PLAC1: variants seen among roughly 807,000 people sequenced by gnomAD.
PLAC1 encodes the protein placenta-specific protein 1.
For missense variants in PLAC1, 136 were observed against 163.2 expected (o/e 0.83, Z 0.91); for synonymous variants, 68 against 62.1 (o/e 1.09, Z -0.44).
chrX:134,589,781 T>C (rs2078026195), intron 2 of PLAC1, among the ~76,000 whole-genome samples: 1 of 110,188 alleles, frequency 9.1e-6, no homozygotes, highest in African/African-American at 3.3e-5. Context: ...AGGAAACCAT[T>C]GCTTTCCTAT....
chrX:134,714,911 G>C, intron 2 of PLAC1, among the ~76,000 whole-genome samples: 1 of 111,901 alleles, frequency 8.9e-6, no homozygotes, highest in Non-Finnish European at 1.9e-5. Flanking sequence ...CATTTGGGTT[G>C]TTTCCACATT....
chrX:134,589,807 T>C (rs2078026355), intron 2 of PLAC1, among the ~76,000 whole-genome samples: 2 of 110,360 alleles, frequency 1.8e-5, no homozygotes, highest in South Asian at 7.7e-4. Context: ...GTCCATGTAG[T>C]CAAACAGTAC....
At chrX:134,695,304 G>A (rs1242535272) in intron 2 of PLAC1, among the ~76,000 whole-genome samples, 1 of 111,582 alleles carries the variant, frequency 9.0e-6, no homozygotes, top group Non-Finnish European at 1.9e-5. Context: ...GTGCTGGGGG[G>A]GATATCAAAT....
At chrX:134,621,694 C>CA (rs2078211986) in intron 1 of PLAC1, among the ~76,000 whole-genome samples, 1 of 111,344 alleles carries the variant, frequency 9.0e-6, no homozygotes, top group East Asian at 2.8e-4. Flanking sequence ...CTGTCACCCC[C>CA]AAATGCACCA....
intron 1 of PLAC1, among the ~76,000 whole-genome samples, chrX:134,758,656 A>C (rs1010155190): frequency 8.9e-6 from 1 of 112,256 alleles, no homozygotes; most frequent in African/African-American, 3.2e-5. Context: ...AAATGGATTA[A>C]ACATAAGACT....
chrX:134,676,344 C>T (rs910526767), intron 2 of PLAC1, among the ~76,000 whole-genome samples: 3 of 110,882 alleles, frequency 2.7e-5, no homozygotes, highest in East Asian at 2.9e-4. Context: ...AGATAAGCTC[C>T]GCCGCACATA....
intron 2 of PLAC1, among the ~76,000 whole-genome samples, chrX:134,567,698 T>C (rs1300693613): frequency 9.6e-6 from 1 of 103,842 alleles, no homozygotes; most frequent in Non-Finnish European, 1.9e-5. Context: ...GTTGAGGCTA[T>C]AGTGAGCCAA....
intron 1 of PLAC1, among the ~76,000 whole-genome samples, chrX:134,640,394 C>G (rs2078302630): frequency 9.0e-6 from 1 of 111,369 alleles, no homozygotes; most frequent in Middle Eastern, 4.2e-3. Context: ...CTGAGATTGG[C>G]TCCTATGAAA....
intron 2 of PLAC1, among the ~76,000 whole-genome samples, chrX:134,576,422 A>C (rs1310972113): frequency 1.8e-5 from 2 of 108,523 alleles, no homozygotes; most frequent in African/African-American, 3.4e-5. Flanking sequence ...CTGTAGTCCC[A>C]GCTACTCAGA....
Position 134,566,251 on chromosome X carries a change from C to T in PLAC1, c.432G>A (p.Glu144=), listed in dbSNP as rs1218765652. The change falls in exon 3 of 3, where the codon GAG becomes GAA. Residue 144 remains glutamate (E), a synonymous_variant. Transcript: ENST00000359237. ...ACAAGCTGAACACCTCGTAGCATTT[C>T]TCATCCTTCTGGGCTGTGGCCCTGC... ...SKSRATAQKD[E]KCYEVFSLSQ... is the part of the protein sequence containing the mutation. 8.3e-7 allele frequency: 1 copy of T among 1,211,779 alleles called. No homozygotes were observed. Among genetic ancestry groups the T allele is most frequent in the Non-Finnish European group, 1.1e-6 (1 of 895,407 alleles).
chrX:134,721,681 G>A (rs755282517), intron 2 of PLAC1, among the ~76,000 whole-genome samples: 1 of 109,262 alleles, frequency 9.2e-6, no homozygotes, highest in Admixed American at 9.8e-5. Flanking sequence ...TGGCCAAGAT[G>A]ATGAAACCCC....
At chrX:134,689,626 C>G (rs1419923818) in intron 2 of PLAC1, among the ~76,000 whole-genome samples, 1 of 111,281 alleles carries the variant, frequency 9.0e-6, no homozygotes, top group African/African-American at 3.3e-5. Context: ...GTTGGGAGAC[C>G]TGGATATCAG....
chrX:134,640,952 G>C (rs2078304987), intron 1 of PLAC1, among the ~76,000 whole-genome samples: 1 of 111,719 alleles, frequency 9.0e-6, no homozygotes, highest in Admixed American at 9.5e-5. Flanking sequence ...TCTCTACAAA[G>C]AAGTACAAAA....
intron 2 of PLAC1, among the ~76,000 whole-genome samples, chrX:134,686,740 C>T (rs768236942): frequency 2.7e-5 from 3 of 111,583 alleles, no homozygotes; most frequent in African/African-American, 6.5e-5. Flanking sequence ...TCAGGGCCAG[C>T]GCCGAGGCTT....
In PLAC1 at chrX:134,688,867, A is replaced by C. The variant is rs999747255; in HGVS notation, n.174+44568T>G. Reference sequence around the variant, plus strand: ...TCATATTTCAAGCTGCTTGGAAACTACCTTTACTTGGATGTTTCTTTACCA... The same window carrying C: ...TCATATTTCAAGCTGCTTGGAAACTCCCTTTACTTGGATGTTTCTTTACCA... On this transcript the variant is annotated intron_variant and non_coding_transcript_variant, in intron 2 of 2. Transcript: ENST00000466797. 1.4e-4 allele frequency among the ~76,000 whole-genome samples: 16 copies of C among 111,768 alleles called. 1 individual carries two copies. The South Asian group carries it at 1.5e-3, about 11-fold the overall frequency.
chrX:134,701,878 C>T (rs2078584528), intron 2 of PLAC1, among the ~76,000 whole-genome samples: 1 of 111,595 alleles, frequency 9.0e-6, no homozygotes, highest in South Asian at 3.8e-4. Context: ...ATTAGCTGGG[C>T]GTGGTAGTAC....
chrX:134,684,411 TAA>T (rs10606569), intron 2 of PLAC1, among the ~76,000 whole-genome samples: 3 of 80,975 alleles, frequency 3.7e-5, no homozygotes, highest in Middle Eastern at 6.7e-3. Context: ...GCTCTGCCAC[TAA>T]AAAAAAAAAA....
intron 2 of PLAC1, among the ~76,000 whole-genome samples, chrX:134,708,534 C>CTTTTTT (rs758488220): frequency 2.7e-5 from 2 of 73,647 alleles, no homozygotes; most frequent in African/African-American, 5.2e-5. Flanking sequence ...CATTCTGTAT[C>CTTTTTT]TTTTTTTTTT....
rs1351895728 is a variant in PLAC1 at position 134,713,889 on chromosome X, T to C, written n.174+19546A>G. 8.1e-5 allele frequency among the ~76,000 whole-genome samples: 9 copies of C among 111,042 alleles called. 1 individual carries two copies. Among genetic ancestry groups the C allele is most frequent in the African/African-American group, 2.0e-4 (6 of 30,514 alleles). On this transcript the variant is annotated intron_variant and non_coding_transcript_variant, in intron 2 of 2. Transcript: ENST00000466797. Reference sequence around the variant, plus strand: ...TGAAGAGGTGGGTCTGCTAGGGATGTAGGGACTGGCAGCCCCACCTCCACA... The same window carrying C: ...TGAAGAGGTGGGTCTGCTAGGGATGCAGGGACTGGCAGCCCCACCTCCACA...
Sources: gnomAD v4.1 joint callset for allele counts (sites outside exome capture counted in the v4.1 genomes callset) on GRCh38, gnomAD v4.1.1 for gene constraint, MANE v1.5 for transcripts, NCBI Gene and HGNC (gene_info 2026-07-23, HGNC 2026-07-21) for gene names.